LINGO2: variants seen among roughly 807,000 people sequenced by gnomAD.
LINGO2 encodes leucine rich repeat and Ig domain containing 2, also known as leucine-rich repeat and immunoglobulin-like domain-containing nogo receptor-interacting protein 2.
Under a neutral mutation model 30.6 loss-of-function variants are expected in LINGO2, and 14 were observed. The ratio of observed to expected loss-of-function variants is 0.46; its 90% CI spans 0.30 to 0.72. LINGO2 has a LOEUF of 0.72. LINGO2 is among the 30% of genes least tolerant of loss of function. The pLI is 0.07. For synonymous variants in LINGO2, 317 were observed against 288.5 expected, an observed-to-expected ratio of 1.10 and a Z score of -1.00; for missense variants, 729 against 751.7, an observed-to-expected ratio of 0.97 and a Z score of 0.35.
rs1430166458 is a variant in LINGO2, at chr9:28,130,211, C to A, written c.-86-117806G>T. 6.6e-6 allele frequency among the ~76,000 whole-genome samples: 1 copy of A among 152,144 alleles called. No homozygotes were observed. Among genetic ancestry groups the A allele is most frequent in the East Asian group, 1.9e-4 (1 of 5,184 alleles). ...GAACTCTAGACCCTCTAAAATAGACCTTAACACACTTCATCAGATTTTGAA... is the reference window on the plus strand; with the variant it reads ...GAACTCTAGACCCTCTAAAATAGACATTAACACACTTCATCAGATTTTGAA... On this transcript the variant is annotated intron_variant, in intron 4 of 5. Coordinates refer to ENST00000379992, the Ensembl canonical transcript of LINGO2. The surrounding 1 kb of genome is among the most constrained non-coding windows in gnomAD (Gnocchi z 5.2).
At chr9:28,206,663 C>T (rs965686282) in intron 4 of LINGO2, among the ~76,000 whole-genome samples, 3 of 152,138 alleles carry the variant, frequency 2.0e-5, no homozygotes, top group Non-Finnish European at 4.4e-5. Context: ...GATAAAAATA[C>T]TAGCTCTTTA....
At chr9:28,037,684 T>C (rs1266691741) in intron 4 of LINGO2, among the ~76,000 whole-genome samples, 1 of 152,238 alleles carries the variant, frequency 6.6e-6, no homozygotes, top group African/African-American at 2.4e-5. Flanking sequence ...CAGCCAGAAT[T>C]GCCATGGAAG....
intron 1 of LINGO2, among the ~76,000 whole-genome samples, chr9:28,487,716 G>A (rs1826226662): frequency 6.6e-6 from 1 of 152,130 alleles, no homozygotes; most frequent in Non-Finnish European, 1.5e-5. Flanking sequence ...TTAGGCCTGA[G>A]AATGCTGCTA....
the LINGO2 span, among the ~76,000 whole-genome samples, chr9:29,081,505 T>C: frequency 5.9e-5 from 9 of 152,096 alleles, no homozygotes; most frequent in Non-Finnish European, 7.4e-5. Context: ...GGAAGCATTC[T>C]CTTTGAAAAC....
the LINGO2 span, among the ~76,000 whole-genome samples, chr9:28,731,150 C>A: frequency 6.6e-6 from 1 of 151,978 alleles, no homozygotes; most frequent in East Asian, 1.9e-4. Flanking sequence ...CCACCACACC[C>A]GGCTAATTTT....
chr9:28,307,655 T>C (rs1003500494), intron 3 of LINGO2, among the ~76,000 whole-genome samples: 7 of 152,170 alleles, frequency 4.6e-5, no homozygotes, highest in Admixed American at 2.0e-4. Context: ...TGTTTGCAGA[T>C]GACATGATTG....
intron 2 of LINGO2, among the ~76,000 whole-genome samples, chr9:28,425,742 A>G (rs1823383422): frequency 1.3e-5 from 2 of 152,098 alleles, no homozygotes; most frequent in African/African-American, 4.8e-5. Flanking sequence ...TCCAAAATGT[A>G]GTGTCTTCAT....
At chr9:29,128,140 C>T in the LINGO2 span, among the ~76,000 whole-genome samples, 10 of 152,044 alleles carry the variant, frequency 6.6e-5, no homozygotes, top group East Asian at 3.9e-4. Flanking sequence ...CATTGCCTCT[C>T]GAGGGAAAAC....
At chr9:28,253,384 G>C (rs1347617889) in intron 4 of LINGO2, among the ~76,000 whole-genome samples, 1 of 152,092 alleles carries the variant, frequency 6.6e-6, no homozygotes, top group Non-Finnish European at 1.5e-5. Flanking sequence ...ACTTGTGGAT[G>C]TTAAAAACAA....
chr9:29,015,896 A>G, the LINGO2 span, among the ~76,000 whole-genome samples: 1 of 152,152 alleles, frequency 6.6e-6, no homozygotes, highest in Admixed American at 6.6e-5. Context: ...TCTAATGCAC[A>G]TCAAAATTAT....
rs571506424 is a variant in LINGO2, at chr9:28,524,493, G to A, written c.-364-48468C>T. On this transcript the variant is annotated intron_variant, in intron 1 of 5. Transcript: ENST00000379992. ...GGAAGGGCCGGGCGTGGTGGCTCAC[G>A]CCTGTAATCACAACACTTTGGGAGG... is the stretch of plus-strand genomic sequence containing the variant. Among the ~76,000 whole-genome samples the A allele has an allele frequency of 7.0e-4, 107 of 152,136 alleles. 2 individuals are homozygous for A. The highest frequency in any genetic ancestry group is 2.4e-3 in the African/African-American group (101 of 41,564).
rs1233125693 is a variant in LINGO2 at position 28,130,002 on chromosome 9, C to T, written c.-86-117597G>A. 6.6e-6 allele frequency among the ~76,000 whole-genome samples: 1 copy of T among 152,146 alleles called. No individual in the cohort carries two copies. Among genetic ancestry groups the T allele is most frequent in the African/African-American group, 2.4e-5 (1 of 41,448 alleles). Reference sequence around the variant, plus strand: ...TTCTATTTTAGTAGACTTTTTTCCTCTAAAATTCAAGAAGCCACAGAGTAA... The same window carrying T: ...TTCTATTTTAGTAGACTTTTTTCCTTTAAAATTCAAGAAGCCACAGAGTAA... On this transcript the variant is annotated intron_variant, in intron 4 of 5. Transcript: ENST00000379992. The surrounding 1 kb of genome is among the most constrained non-coding windows in gnomAD (Gnocchi z 5.2).
At chr9:29,130,341 A>G in the LINGO2 span, among the ~76,000 whole-genome samples, 1 of 152,268 alleles carries the variant, frequency 6.6e-6, no homozygotes, top group East Asian at 1.9e-4. Flanking sequence ...CAAAGTGATA[A>G]CAGCCTTTTC....
intron 4 of LINGO2, among the ~76,000 whole-genome samples, chr9:28,034,714 T>TG (rs1274385303): frequency 6.6e-6 from 1 of 152,218 alleles, no homozygotes; most frequent in African/African-American, 2.4e-5. Context: ...GTTTTTCTTA[T>TG]GATTTCAAAA....
chr9:28,302,563 C>T (rs1291301177), intron 3 of LINGO2, among the ~76,000 whole-genome samples: 4 of 152,078 alleles, frequency 2.6e-5, no homozygotes, highest in African/African-American at 9.7e-5. Context: ...CCCAGCTACT[C>T]AGGAGGCTGA....
intron 4 of LINGO2, among the ~76,000 whole-genome samples, chr9:28,124,223 A>G (rs934215958): frequency 6.6e-6 from 1 of 152,214 alleles, no homozygotes; most frequent in African/African-American, 2.4e-5. Flanking sequence ...TAGAGTTTGA[A>G]TCCCATCTAG....
chr9:29,130,920 A>G, the LINGO2 span, among the ~76,000 whole-genome samples: 1 of 152,098 alleles, frequency 6.6e-6, no homozygotes, highest in African/African-American at 2.4e-5. Flanking sequence ...GAAGCCTGAG[A>G]CCTGGAATCT....
the LINGO2 span, among the ~76,000 whole-genome samples, chr9:28,958,955 T>C: frequency 6.6e-6 from 1 of 152,118 alleles, no homozygotes; most frequent in South Asian, 2.1e-4. Flanking sequence ...GACTGGTACA[T>C]GGGACAATGT....
intron 4 of LINGO2, among the ~76,000 whole-genome samples, chr9:28,058,440 T>C (rs1286691994): frequency 6.6e-6 from 1 of 152,156 alleles, no homozygotes; most frequent in Non-Finnish European, 1.5e-5. Context: ...AATACATAGG[T>C]ATAAAAATGA....
Sources: allele counts gnomAD v4.1 joint callset (sites outside exome capture counted in the v4.1 genomes callset), GRCh38; gene constraint gnomAD v4.1.1; non-coding constraint Gnocchi (gnomAD v3.1); transcripts MANE v1.5; gene names NCBI Gene and HGNC (gene_info 2026-07-23, HGNC 2026-07-21).